ANGPT1: variants seen among roughly 807,000 people sequenced by gnomAD.
ANGPT1 encodes angiopoietin 1, also known as angiopoietin-1.
In ANGPT1, 17 loss-of-function variants were observed where a neutral mutation model predicts 62.2. The ratio of observed to expected loss-of-function variants is 0.27; its 90% confidence interval spans 0.19 to 0.41. ANGPT1 has a LOEUF of 0.41. Ranked by LOEUF, ANGPT1 falls within the 10% of genes least tolerant of loss-of-function variation. The pLI is 1.00. For synonymous variants in ANGPT1, 199 were observed against 198.9 expected (o/e 1.00, Z 0.00); for missense variants, 478 against 594.9 (o/e 0.80, Z 2.04).
At chr8:107,314,296 C>T (rs147212238) in intron 4 of ANGPT1, among the ~76,000 whole-genome samples, 52 of 152,252 alleles carry the variant, frequency 3.4e-4, no homozygotes, top group Non-Finnish European at 1.0e-4. Context: ...CAGGAGATAT[C>T]CCTTTTCAGA....
intron 1 of ANGPT1, among the ~76,000 whole-genome samples, chr8:107,401,355 T>C (rs1563606245): frequency 6.6e-6 from 1 of 152,190 alleles, no homozygotes. Context: ...AGATACAACT[T>C]CTTTTCTCTG....
At chr8:107,391,574 G>T (rs541230522) in intron 1 of ANGPT1, among the ~76,000 whole-genome samples, 12 of 152,260 alleles carry the variant, frequency 7.9e-5, no homozygotes, top group Admixed American at 5.2e-4. Flanking sequence ...GGCTGAGGCA[G>T]GAGAATCGCT....
intron 7 of ANGPT1, among the ~76,000 whole-genome samples, chr8:107,266,537 A>T (rs979023174): frequency 6.6e-6 from 1 of 152,226 alleles, no homozygotes; most frequent in Non-Finnish European, 1.5e-5. Flanking sequence ...TTAAGTAGCT[A>T]CGTCTCTCCT....
At chr8:107,411,484 C>G (rs1038427506) in intron 1 of ANGPT1, among the ~76,000 whole-genome samples, 1 of 151,620 alleles carries the variant, frequency 6.6e-6, no homozygotes, top group Non-Finnish European at 1.5e-5. Flanking sequence ...AAATTCAGAG[C>G]AAAAATACAC....
rs893941836 is a variant in ANGPT1 at position 107,410,510 on chromosome 8, G to A, written c.298-63413C>T. Reference sequence around the variant, plus strand: ...TGTTTTCTAAACCTCTATTTCCTTCGTTCTGCAGCTAGACACTAATTGTTT... The same window carrying A: ...TGTTTTCTAAACCTCTATTTCCTTCATTCTGCAGCTAGACACTAATTGTTT... On this transcript the variant is annotated intron_variant, in intron 1 of 8. Transcript: ENST00000517746. Among the ~76,000 whole-genome samples the A allele has an allele frequency of 1.1e-4, 16 of 152,150 alleles. No individual in the cohort carries two copies. The South Asian group carries it at 2.9e-3, about 28-fold the overall frequency.
At chr8:107,401,609 G>A (rs75572365) in intron 1 of ANGPT1, among the ~76,000 whole-genome samples, 274 of 152,310 alleles carry the variant, frequency 1.8e-3, no homozygotes, top group African/African-American at 6.2e-3. Flanking sequence ...ATAGGCATTA[G>A]CCAAAGAGTA....
intron 3 of ANGPT1, among the ~76,000 whole-genome samples, chr8:107,331,307 T>C (rs1202107897): frequency 6.6e-6 from 1 of 152,214 alleles, no homozygotes; most frequent in East Asian, 1.9e-4. Context: ...TAGATGAGCA[T>C]GTCAAATAAG....
intron 8 of ANGPT1, among the ~76,000 whole-genome samples, chr8:107,257,870 G>GTTTGTT (rs1813394649): frequency 2.2e-5 from 1 of 45,204 alleles, no homozygotes; most frequent in Non-Finnish European, 4.6e-5. Flanking sequence ...CCAAGGACTT[G>GTTTGTT]TTTTTGTTTC....
chr8:107,298,002 G>A (rs1452968707), intron 5 of ANGPT1, among the ~76,000 whole-genome samples: 2 of 151,850 alleles, frequency 1.3e-5, no homozygotes, highest in Non-Finnish European at 2.9e-5. Flanking sequence ...TGTCCTTCCT[G>A]TGGACAAGAC....
chr8:107,251,825 G>A lies in ANGPT1; in HGVS notation c.*30C>T, dbSNP rs754208805. On this transcript the variant is annotated 3_prime_UTR_variant, in exon 9 of 9. Transcript: ENST00000517746. ...GGCAGCTTCTCCGGATTTCTTTGTTGCTTTCATAATCGCTTCTGACATTGC... is the reference window on the plus strand; with the variant it reads ...GGCAGCTTCTCCGGATTTCTTTGTTACTTTCATAATCGCTTCTGACATTGC... 9 of 1,611,156 alleles carry A rather than the reference G, an allele frequency of 5.6e-6. No homozygotes were observed. The South Asian group carries it at 9.9e-5, about 18-fold the overall frequency.
chr8:107,285,098 G>A (rs1386505978), intron 6 of ANGPT1, among the ~76,000 whole-genome samples: 3 of 151,958 alleles, frequency 2.0e-5, no homozygotes, highest in Non-Finnish European at 2.9e-5. Context: ...GAGACATTTT[G>A]TATAAAATAA....
intron 1 of ANGPT1, among the ~76,000 whole-genome samples, chr8:107,383,942 A>G (rs898162601): frequency 8.5e-5 from 13 of 152,182 alleles, no homozygotes; most frequent in African/African-American, 1.2e-4. Context: ...AATTTTCAGA[A>G]GGAGACACAT....
chr8:107,496,319 G>A (rs1167091469), intron 1 of ANGPT1, among the ~76,000 whole-genome samples: 1 of 152,182 alleles, frequency 6.6e-6, no homozygotes, highest in Non-Finnish European at 1.5e-5. Context: ...AATTGCAGAA[G>A]TGTGTTCATA....
At position 107,321,905 on chromosome 8, in the gene ANGPT1, T is replaced by C; in HGVS notation, c.799A>G (p.Lys267Glu). The C allele has an allele frequency of 6.2e-7, 1 of 1,613,412 alleles. No individual in the cohort carries two copies. The highest frequency in any genetic ancestry group is 2.2e-5 in the East Asian group (1 of 44,850). The change falls in exon 4 of 9, where the codon AAA becomes GAA. Residue 267 changes from lysine to glutamate, a missense_variant. This residue lies in a region of ANGPT1 where 343 missense variants were observed against 355.4 expected (regional missense o/e 0.97). Coordinates refer to ENST00000517746, the MANE Select transcript of ANGPT1 (RefSeq NM_001146.5). ...TVHNLVNLCT[K>E]EGVLLKGGKR... ...AGGAAGACATTCTTACCACCTTCTTTAGTGCAAAGATTGACAAGGTTGTGG... is the reference window on the plus strand; with the variant it reads ...AGGAAGACATTCTTACCACCTTCTTCAGTGCAAAGATTGACAAGGTTGTGG...
chr8:107,372,137 G>A lies in ANGPT1; in HGVS notation c.298-25040C>T, dbSNP rs115760035. ...AAACTATTGACACTTAGGGCAAGGTGATGTTTCATTGTGTGTGCATGTTTG... is the reference window on the plus strand; with the variant it reads ...AAACTATTGACACTTAGGGCAAGGTAATGTTTCATTGTGTGTGCATGTTTG... On this transcript the variant is annotated intron_variant, in intron 1 of 8. Coordinates refer to ENST00000517746, the MANE Select transcript of ANGPT1 (RefSeq NM_001146.5). Among the ~76,000 whole-genome samples the A allele has an allele frequency of 4.9e-3, 746 of 151,786 alleles. 7 individuals are homozygous for A. Among genetic ancestry groups the A allele is most frequent in the African/African-American group, 0.017 (720 of 41,362 alleles).
At chr8:107,420,910 G>A (rs867930312) in intron 1 of ANGPT1, among the ~76,000 whole-genome samples, 19 of 152,038 alleles carry the variant, frequency 1.2e-4, no homozygotes, top group Middle Eastern at 3.5e-3. Context: ...GATTTCATAT[G>A]AAAATTATAT....
intron 1 of ANGPT1, among the ~76,000 whole-genome samples, chr8:107,373,099 G>A (rs1816449116): frequency 6.6e-6 from 1 of 152,140 alleles, no homozygotes; most frequent in Non-Finnish European, 1.5e-5. Flanking sequence ...TCCCAATGCT[G>A]TCAGAACTAA....
chr8:107,349,269 T>C (rs554374454), intron 1 of ANGPT1, among the ~76,000 whole-genome samples: 1 of 152,250 alleles, frequency 6.6e-6, no homozygotes, highest in South Asian at 2.1e-4. Flanking sequence ...GTTCCACCCT[T>C]GGACATTCAG....
At chr8:107,421,448 G>A (rs1292999397) in intron 1 of ANGPT1, among the ~76,000 whole-genome samples, 1 of 152,104 alleles carries the variant, frequency 6.6e-6, no homozygotes, top group Non-Finnish European at 1.5e-5. Flanking sequence ...GAAAGAAAAA[G>A]ACAGTAAAGT....
Sources: allele counts gnomAD v4.1 joint callset (sites outside exome capture counted in the v4.1 genomes callset), GRCh38; gene constraint gnomAD v4.1.1; regional missense constraint gnomAD v4.1.1; transcripts MANE v1.5; gene names NCBI Gene and HGNC (gene_info 2026-07-23, HGNC 2026-07-21).